RAD51C: variants seen among roughly 807,000 people sequenced by gnomAD.
RAD51C encodes DNA repair protein RAD51 homolog 3.
In RAD51C, 42 loss-of-function variants were observed where a neutral mutation model predicts 45.0. The ratio of observed to expected loss-of-function variants is 0.93; its 90% confidence interval spans 0.73 to 1.21. The LOEUF is 1.21. RAD51C is among the 50% of genes most tolerant of loss of function. RAD51C has a pLI of 0.00. For synonymous variants in RAD51C, 172 were observed against 159.8 expected, an observed-to-expected ratio of 1.08 and a Z score of -0.58; for missense variants, 474 against 452.2, an observed-to-expected ratio of 1.05 and a Z score of -0.44.
intron 8 of RAD51C, among the ~76,000 whole-genome samples, chr17:58,733,306 G>A (rs1030133298): frequency 1.9e-4 from 29 of 152,054 alleles, no homozygotes; most frequent in Non-Finnish European, 1.9e-4. Context: ...GTGAGCCACC[G>A]AGCCCGGCTT....
intron 6 of RAD51C, 77 bp downstream of exon 6, chr17:58,720,889 T>A (rs2143934125): frequency 8.2e-7 from 1 of 1,215,980 alleles, no homozygotes; most frequent in Non-Finnish European, 1.2e-6. Flanking sequence ...CATTGAGTAC[T>A]ATACGCTTCA....
At chr17:58,724,198 A>G (rs2049029783) in intron 7 of RAD51C, 98 bp downstream of exon 7, 3 of 1,169,988 alleles carry the variant, frequency 2.6e-6, no homozygotes, top group Non-Finnish European at 3.8e-6. Context: ...GATGAGATAT[A>G]CAGTGACCCA....
At chr17:58,709,724 G>A in intron 4 of RAD51C, 135 bp from the exon 5 acceptor site, 1 of 805,422 alleles carries the variant, frequency 1.2e-6, no homozygotes, top group Non-Finnish European at 2.0e-6. Flanking sequence ...AGGCATTGGG[G>A]ATGATATAGT....
intron 1 of RAD51C, 200 bp from the exon 2 acceptor site, chr17:58,694,731 T>A (rs1467056546): frequency 1.7e-6 from 1 of 597,128 alleles, no homozygotes; most frequent in Non-Finnish European, 2.9e-6. Context: ...TGCCTCAGCC[T>A]CCCAAAGTAC....
intron 5 of RAD51C, among the ~76,000 whole-genome samples, chr17:58,714,874 T>TTGCATATTG (rs1348552093): frequency 1.8e-4 from 27 of 152,198 alleles, no homozygotes; most frequent in Non-Finnish European, 7.3e-5. Flanking sequence ...TGATTCATCC[T>TTGCATATTG]TGCAGTGTGC....
At chr17:58,718,472 G>A (rs2048813373) in intron 5 of RAD51C, among the ~76,000 whole-genome samples, 1 of 152,150 alleles carries the variant, frequency 6.6e-6, no homozygotes, top group African/African-American at 2.4e-5. Context: ...ATTTGGGGAT[G>A]GAAAGATAAC....
At chr17:58,703,406 A>G in intron 4 of RAD51C, 77 bp downstream of exon 4, 1 of 1,473,456 alleles carries the variant, frequency 6.8e-7, no homozygotes, top group African/African-American at 1.4e-5. Context: ...AATAACCAGT[A>G]CAGTAGCATA....
At chr17:58,725,017 C>G (rs2049065233) in intron 7 of RAD51C, among the ~76,000 whole-genome samples, 1 of 152,156 alleles carries the variant, frequency 6.6e-6, no homozygotes, top group Non-Finnish European at 1.5e-5. Context: ...ACCTGAAGCT[C>G]ATAACAGAAT....
chr17:58,696,945 T>C, intron 3 of RAD51C, 86 bp downstream of exon 3: 1 of 1,443,984 alleles, frequency 6.9e-7, no homozygotes, highest in Non-Finnish European at 9.7e-7. Flanking sequence ...CAACACTCCA[T>C]TTGGAATGTG....
chr17:58,722,884 T>G (rs1444095132), intron 6 of RAD51C, among the ~76,000 whole-genome samples: 2 of 152,186 alleles, frequency 1.3e-5, no homozygotes, highest in African/African-American at 4.8e-5. Flanking sequence ...TGTCTCAGCT[T>G]TAGATTATAT....
chr17:58,705,022 T>C (rs1260229999), intron 4 of RAD51C, among the ~76,000 whole-genome samples: 4 of 151,752 alleles, frequency 2.6e-5, no homozygotes, highest in African/African-American at 9.7e-5. Context: ...TCCCAGCTAC[T>C]TGGGAGGCTG....
At chr17:58,730,254 TC>T (rs1036613931) in intron 7 of RAD51C, among the ~76,000 whole-genome samples, 2 of 141,440 alleles carry the variant, frequency 1.4e-5, no homozygotes, top group African/African-American at 5.3e-5. Flanking sequence ...AACCTCCACC[TC>T]CCCAGTTCAA....
chr17:58,719,916 G>A (rs1321980380), intron 5 of RAD51C, among the ~76,000 whole-genome samples: 2 of 150,770 alleles, frequency 1.3e-5, no homozygotes, highest in East Asian at 4.0e-4. Context: ...TTTTAGTAGA[G>A]ACAGGGTTTC....
At chr17:58,719,755 G>C (rs928400173) in intron 5 of RAD51C, among the ~76,000 whole-genome samples, 2 of 143,808 alleles carry the variant, frequency 1.4e-5, no homozygotes, top group African/African-American at 5.2e-5. Context: ...TTGAGATGGA[G>C]TCTCACTCTG....
At chr17:58,704,202 C>T in intron 4 of RAD51C, among the ~76,000 whole-genome samples, 1 of 152,006 alleles carries the variant, frequency 6.6e-6, no homozygotes, top group East Asian at 1.9e-4. Flanking sequence ...AGTCTGAGCA[C>T]CTTTGATACC....
chr17:58,732,640 C>T (rs1203013155), intron 8 of RAD51C, 96 bp downstream of exon 8: 4 of 1,190,656 alleles, frequency 3.4e-6, no homozygotes, highest in East Asian at 2.4e-5. Flanking sequence ...CTTCTGTAGG[C>T]AGCAAGCATA....
chr17:58,701,537 CTGAT>C (rs2143785611), intron 3 of RAD51C, among the ~76,000 whole-genome samples: 1 of 150,662 alleles, frequency 6.6e-6, no homozygotes, highest in South Asian at 2.1e-4. Flanking sequence ...AATGCAGTAA[CTGAT>C]TGGTTTCTCT....
intron 7 of RAD51C, among the ~76,000 whole-genome samples, 187 bp downstream of exon 7, chr17:58,724,287 C>G (rs1210155323): frequency 1.3e-5 from 2 of 152,088 alleles, no homozygotes; most frequent in African/African-American, 4.8e-5. Context: ...GCATATTTAG[C>G]TACATAGGAA....
chr17:58,696,983 T>G, intron 3 of RAD51C, 124 bp downstream of exon 3: 1 of 1,152,736 alleles, frequency 8.7e-7, no homozygotes, highest in Non-Finnish European at 1.3e-6. Context: ...AGTTAACTAG[T>G]GTTAAACTCT....
Sources: gnomAD v4.1 joint callset for allele counts (sites outside exome capture counted in the v4.1 genomes callset) on GRCh38, gnomAD v4.1.1 for gene constraint, MANE v1.5 for transcripts, NCBI Gene and HGNC (gene_info 2026-07-23, HGNC 2026-07-21) for gene names.